LAMP1: variants seen among roughly 807,000 people sequenced by gnomAD.
LAMP1 encodes the protein lysosome-associated membrane glycoprotein 1.
In LAMP1, 7 loss-of-function variants were observed where a neutral mutation model predicts 37.5. That is an observed-to-expected ratio of 0.19 (90% CI 0.11 to 0.35). The LOEUF (loss-of-function observed/expected upper bound fraction) is 0.35. Ranked by LOEUF, LAMP1 falls within the 10% of genes least tolerant of loss-of-function variation. The pLI is 1.00. For missense variants in LAMP1, 537 were observed against 552.8 expected, an observed-to-expected ratio of 0.97 and a Z score of 0.29; for synonymous variants, 236 against 229.1, an observed-to-expected ratio of 1.03 and a Z score of -0.27.
intron 1 of LAMP1, among the ~76,000 whole-genome samples, chr13:113,300,273 G>A (rs942523529): frequency 6.6e-6 from 1 of 152,100 alleles, no homozygotes; most frequent in African/African-American, 2.4e-5. Flanking sequence ...CTGAAGTCAG[G>A]GGTTTGAGAC....
chr13:113,313,471 C>T (rs1317089455), intron 4 of LAMP1, among the ~76,000 whole-genome samples: 2 of 152,214 alleles, frequency 1.3e-5, no homozygotes, highest in South Asian at 2.1e-4. Context: ...GAAAAAGGCC[C>T]GACAGCCCAG....
intron 1 of LAMP1, among the ~76,000 whole-genome samples, chr13:113,303,808 G>A (rs2042585495): frequency 6.6e-6 from 1 of 152,168 alleles, no homozygotes; most frequent in African/African-American, 2.4e-5. Context: ...GGGCATGGTG[G>A]CTTACACCCA....
At chr13:113,299,216 T>TGG (rs201820821) in intron 1 of LAMP1, among the ~76,000 whole-genome samples, 1 of 152,216 alleles carries the variant, frequency 6.6e-6, no homozygotes, top group South Asian at 2.1e-4. Flanking sequence ...GGAATATTGC[T>TGG]TGTGTAATCA....
intron 1 of LAMP1, chr13:113,305,037 C>A (rs772332716): frequency 6.6e-5 from 10 of 152,208 alleles, no homozygotes; most frequent in Non-Finnish European, 1.5e-4. Flanking sequence ...TGGTTATATG[C>A]TTCGCTTTAG....
chr13:113,301,650 T>A (rs1295294416), intron 1 of LAMP1, among the ~76,000 whole-genome samples: 3 of 336 alleles, frequency 8.9e-3, no homozygotes, highest in African/African-American at 0.016. Flanking sequence ...AAAAAATATA[T>A]ATATATATAT....
chr13:113,304,969 T>G (rs748364389), intron 1 of LAMP1: 4 of 152,216 alleles, frequency 2.6e-5, no homozygotes, highest in Admixed American at 6.6e-5. Flanking sequence ...CACCTTTTCT[T>G]TATGGACATA....
rs369180138 is a variant in LAMP1 at position 113,310,812 on chromosome 13, G to A, written c.507G>A (p.Thr169=). ...TCCACATGAACAACGTGACCGTAACGCTCCATGATGCCACCATCCAGGCGT... is the reference window on the plus strand; with the variant it reads ...TCCACATGAACAACGTGACCGTAACACTCCATGATGCCACCATCCAGGCGT... ...TQVHMNNVTV[T]LHDATIQAYL... The change falls in exon 4 of 9, where the codon ACG becomes ACA. Residue 169 remains threonine, a synonymous_variant. Coordinates refer to ENST00000332556, the MANE Select transcript of LAMP1 (RefSeq NM_005561.4). 1.7e-3 allele frequency: 2,709 copies of A among 1,613,814 alleles called. 53 individuals carry two copies. In the South Asian group the frequency reaches 0.021, roughly 13 times the overall value.
chr13:113,309,518 C>G, intron 2 of LAMP1, 125 bp from the exon 3 acceptor site: 1 of 705,792 alleles, frequency 1.4e-6, no homozygotes, highest in East Asian at 2.7e-5. Flanking sequence ...AAATGAGTAC[C>G]TCAGTAGTGA....
At position 113,320,078 on chromosome 13, in the gene LAMP1, GTT is replaced by G. The variant is rs2042689378; in HGVS notation, c.751-265_751-264del. Among the ~76,000 whole-genome samples, 2 of 152,334 alleles carry G rather than the reference GTT, an allele frequency of 1.3e-5. No homozygotes were observed. Among genetic ancestry groups the G allele is most frequent in the South Asian group, 4.1e-4 (2 of 4,832 alleles). ...GGTCGACTTGCGTGCCGTGGGGTGA[GTT>G]TGCAGGGCTGACTGCTGCAGGGGGA... On this transcript the variant is annotated intron_variant, in intron 5 of 8. Coordinates refer to ENST00000332556, the MANE Select transcript of LAMP1 (RefSeq NM_005561.4). The surrounding 1 kb of genome is among the most constrained non-coding windows in gnomAD (Gnocchi z 4.4).
chr13:113,300,304 A>G (rs2042563794), intron 1 of LAMP1, among the ~76,000 whole-genome samples: 2 of 152,040 alleles, frequency 1.3e-5, no homozygotes. Flanking sequence ...AATGTGGTGA[A>G]ACCCCGTCTC....
chr13:113,298,512 A>G (rs948399857), intron 1 of LAMP1, among the ~76,000 whole-genome samples: 1 of 152,062 alleles, frequency 6.6e-6, no homozygotes, highest in African/African-American at 2.4e-5. Flanking sequence ...TTAAGTAGAT[A>G]TAGAAATACA....
chr13:113,302,773 T>G (rs530466822), intron 1 of LAMP1, among the ~76,000 whole-genome samples: 1 of 152,236 alleles, frequency 6.6e-6, no homozygotes, highest in African/African-American at 2.4e-5. Context: ...CATCAAGTGC[T>G]GGAGAGGCAG....
Position 113,310,630 on chromosome 13 carries a change from A to G in LAMP1, c.404-79A>G, listed in dbSNP as rs2042625497. 3 of 1,154,170 alleles carry G rather than the reference A, an allele frequency of 2.6e-6. No individual in the cohort carries two copies. In the African/African-American group the frequency reaches 4.7e-5, roughly 18 times the overall value. 71.5% of individuals were successfully genotyped at this position (1,154,170 alleles called of 1,614,324 possible). ...ATCAAGACTGGAATCTATAACTGAC[A>G]TCAGGGCTAAAATAAAAAACACATA... On this transcript the variant is annotated intron_variant, in intron 3 of 8. Transcript: ENST00000332556.
intron 1 of LAMP1, among the ~76,000 whole-genome samples, chr13:113,298,324 A>C (rs1028828668): frequency 1.3e-5 from 2 of 152,136 alleles, no homozygotes; most frequent in Non-Finnish European, 2.9e-5. Context: ...TTTCGTTCTC[A>C]TTTATTGTCT....
chr13:113,316,392 G>A (rs57059682), intron 4 of LAMP1, among the ~76,000 whole-genome samples: 21,395 of 150,822 alleles, frequency 0.14, 4,541 homozygotes, highest in African/African-American at 0.46. Context: ...GAAGGTCACC[G>A]TGTCTCATCT....
At position 113,321,024 on chromosome 13, in the gene LAMP1, A is replaced by G; in HGVS notation, c.877-380A>G. 1 of 285,652 alleles carries G rather than the reference A, an allele frequency of 3.5e-6. No homozygotes were observed. Among genetic ancestry groups the G allele is most frequent in the Non-Finnish European group, 6.8e-6 (1 of 148,074 alleles). The allele number at this position is 285,652 out of a possible 1,614,324, so 17.7% of individuals were successfully genotyped here. A position where few individuals can be genotyped will look rare whatever the true frequency, so the allele number is the denominator to read the frequency against. ...GGGAGGCTCCATTTCTGCAAATAATAAAACGAGTTAGCTGGGCGTAGTGGC... is the reference window on the plus strand; with the variant it reads ...GGGAGGCTCCATTTCTGCAAATAATGAAACGAGTTAGCTGGGCGTAGTGGC... On this transcript the variant is annotated intron_variant, in intron 6 of 8. Transcript: ENST00000332556. This position sits in a 1 kb window ranked among gnomAD's most constrained non-coding sequence, Gnocchi z 5.6.
chr13:113,320,656 G>T lies in LAMP1; in HGVS notation c.876+186G>T, dbSNP rs1595464593. 1.6e-6 allele frequency: 1 copy of T among 625,684 alleles called. No individual in the cohort carries two copies. The highest frequency in any genetic ancestry group is 2.9e-5 in the East Asian group (1 of 34,938). The allele number at this position is 625,684 out of a possible 1,614,324, so 38.8% of individuals were successfully genotyped here. On this transcript the variant is annotated intron_variant, in intron 6 of 8. Transcript: ENST00000332556. The surrounding 1 kb of genome is among the most constrained non-coding windows in gnomAD (Gnocchi z 4.4). ...CCCCCTTTCCATTCCATTCATAGAT[G>T]CAGCAGATGATGTGGGCGGGGCTGC...
chr13:113,303,297 G>A (rs902719073), intron 1 of LAMP1, among the ~76,000 whole-genome samples: 8 of 152,226 alleles, frequency 5.3e-5, no homozygotes. Flanking sequence ...ACTTGTTTCA[G>A]AGAACAGAAT....
Position 113,321,578 on chromosome 13 carries a change from A to C in LAMP1, c.965A>C (p.Asn322Thr), listed in dbSNP as rs985101210. ...GCAGACCCTGCCTTTAAAGCTGCCA[A>C]CGGCTCCCTGCGAGCGCTGCAGGCC... ...DARDPAFKAA[N>T]GSLRALQATV... Residue 322 changes from asparagine to threonine, a missense_variant, in exon 8 of 9, where the codon AAC becomes ACC. By Grantham distance (65) the Asn-to-Thr change is moderately conservative. Transcript: ENST00000332556. This position sits in a 1 kb window ranked among gnomAD's most constrained non-coding sequence, Gnocchi z 5.6. 1 of 1,614,044 alleles carries C rather than the reference A, an allele frequency of 6.2e-7. No homozygotes were observed. The highest frequency in any genetic ancestry group is 2.2e-5 in the East Asian group (1 of 44,786).
Sources: gnomAD v4.1 joint callset for allele counts (sites outside exome capture counted in the v4.1 genomes callset) on GRCh38, gnomAD v4.1.1 for gene constraint, Gnocchi (gnomAD v3.1) non-coding constraint, MANE v1.5 for transcripts, NCBI Gene and HGNC (gene_info 2026-07-23, HGNC 2026-07-21) for gene names.